DLG2: variants seen among roughly 807,000 people sequenced by gnomAD.
DLG2 encodes the protein discs large MAGUK scaffold protein 2.
A neutral mutation model predicts 132.5 loss-of-function variants in DLG2; 45 were observed. The observed-to-expected ratio is 0.34, with a 90% CI of 0.27 to 0.44. The LOEUF (loss-of-function observed/expected upper bound fraction) is 0.44, where lower values mean the gene tolerates loss of function less well. Ranked by LOEUF, DLG2 falls within the 20% of genes least tolerant of loss-of-function variation. DLG2 has a pLI of 1.00. For missense variants in DLG2, 1,045 were observed against 1,196.9 expected (o/e 0.87, Z 1.87); for synonymous variants, 424 against 419.6 (o/e 1.01, Z -0.13).
At chr11:83,845,508 C>T (rs897721124) in intron 16 of DLG2, among the ~76,000 whole-genome samples, 1 of 152,094 alleles carries the variant, frequency 6.6e-6, no homozygotes, top group Non-Finnish European at 1.5e-5. Context: ...TACAGATACA[C>T]AAAGATAGAG....
rs190913796 is a variant in DLG2 at position 83,775,885 on chromosome 11, G to A, written c.1825+10805C>T. ...AGGCGGGCGGATCACAAGATCAGGA[G>A]ATCGAGACCATCCTGGCTAATACGG... On this transcript the variant is annotated intron_variant, in intron 18 of 27. Transcript: ENST00000376104. Among the ~76,000 whole-genome samples, 4 of 152,256 alleles carry A rather than the reference G, an allele frequency of 2.6e-5. No individual in the cohort carries two copies. The East Asian group carries it at 7.7e-4, about 29-fold the overall frequency.
chr11:83,660,731 A>G (rs2153544594), intron 18 of DLG2, among the ~76,000 whole-genome samples: 1 of 152,344 alleles, frequency 6.6e-6, no homozygotes, highest in South Asian at 2.1e-4. Flanking sequence ...CAGAAGGAGA[A>G]AGACTTGAGG....
intron 19 of DLG2, among the ~76,000 whole-genome samples, chr11:83,629,473 T>C (rs370980388): frequency 3.4e-4 from 52 of 152,290 alleles, no homozygotes; most frequent in African/African-American, 1.1e-3. Flanking sequence ...GATTTGCTTT[T>C]TTTCCTTGCC....
intron 6 of DLG2, among the ~76,000 whole-genome samples, chr11:84,981,477 C>G (rs1004080103): frequency 6.6e-6 from 1 of 152,138 alleles, no homozygotes; most frequent in African/African-American, 2.4e-5. Flanking sequence ...GCACCAAACC[C>G]AGCTCAGAAG....
intron 5 of DLG2, among the ~76,000 whole-genome samples, chr11:85,150,308 C>T (rs1416658733): frequency 6.6e-6 from 1 of 152,064 alleles, no homozygotes; most frequent in Non-Finnish European, 1.5e-5. Context: ...GCGTGAGCCA[C>T]CGTGCCCGGC....
chr11:84,335,160 CAAAAAAAAAAA>C (rs58944265), intron 7 of DLG2, among the ~76,000 whole-genome samples: 2 of 62,666 alleles, frequency 3.2e-5, no homozygotes, highest in Non-Finnish European at 6.3e-5. Flanking sequence ...ATAAAGAAAG[CAAAAAAAAAAA>C]AAAAAAAAGG....
At chr11:83,786,056 C>T (rs1163734676) in intron 18 of DLG2, among the ~76,000 whole-genome samples, 1 of 152,164 alleles carries the variant, frequency 6.6e-6, no homozygotes, top group Non-Finnish European at 1.5e-5. Context: ...CCAGTTGTCT[C>T]ATTGAGCCTC....
chr11:85,036,729 TGAA>T (rs1566704697), intron 6 of DLG2, among the ~76,000 whole-genome samples: 1 of 152,240 alleles, frequency 6.6e-6, no homozygotes, highest in Non-Finnish European at 1.5e-5. Context: ...AAAAATTTGT[TGAA>T]GTAGCATTCT....
At chr11:84,430,048 G>A (rs1473861465) in intron 7 of DLG2, among the ~76,000 whole-genome samples, 1 of 152,120 alleles carries the variant, frequency 6.6e-6, no homozygotes, top group Non-Finnish European at 1.5e-5. Flanking sequence ...AGGGTCACAG[G>A]CTGTAGATTC....
rs112305065 is a variant in DLG2, at chr11:83,877,029, T to C, written c.1497-2541A>G. 3.2e-3 allele frequency among the ~76,000 whole-genome samples: 491 copies of C among 152,242 alleles called. 4 individuals are homozygous for C. Among genetic ancestry groups the C allele is most frequent in the African/African-American group, 0.011 (475 of 41,564 alleles). ...GATATCAATTACTTTTTTCTTATTT[T>C]ACAATTTTCTTCAGATGCGTTTCCC... On this transcript the variant is annotated intron_variant, in intron 15 of 27. Transcript: ENST00000376104.
chr11:84,184,945 C>A (rs1332443880), intron 8 of DLG2, among the ~76,000 whole-genome samples: 31 of 152,154 alleles, frequency 2.0e-4, no homozygotes, highest in Non-Finnish European at 3.8e-4. Flanking sequence ...TGTTTTGGTA[C>A]CAGTACCATG....
At chr11:84,611,531 C>T (rs912815015) in intron 6 of DLG2, among the ~76,000 whole-genome samples, 1 of 152,138 alleles carries the variant, frequency 6.6e-6, no homozygotes, top group Non-Finnish European at 1.5e-5. Flanking sequence ...GCCTGAGACT[C>T]TTGACTTTAC....
At chr11:85,023,775 G>C (rs542132849) in intron 6 of DLG2, among the ~76,000 whole-genome samples, 1 of 151,994 alleles carries the variant, frequency 6.6e-6, no homozygotes, top group South Asian at 2.1e-4. Flanking sequence ...AAAAATACTA[G>C]TAACTTATTG....
chr11:84,099,544 C>T (rs991882988), intron 9 of DLG2, among the ~76,000 whole-genome samples: 8 of 151,824 alleles, frequency 5.3e-5, no homozygotes, highest in African/African-American at 1.5e-4. Context: ...AAAACTTCCA[C>T]TTCAGAAGAC....
At chr11:84,720,161 T>C (rs2061646611) in intron 6 of DLG2, 1 of 679,052 alleles carries the variant, frequency 1.5e-6, no homozygotes, top group African/African-American at 1.9e-5. Context: ...CAAACCCAGC[T>C]GGCTCCCAGA....
At chr11:83,829,901 C>G (rs1244761456) in intron 17 of DLG2, among the ~76,000 whole-genome samples, 1 of 152,082 alleles carries the variant, frequency 6.6e-6, no homozygotes, top group Non-Finnish European at 1.5e-5. Context: ...CCCCACTTGC[C>G]CCACCATACG....
chr11:84,507,182 A>G (rs1014334389), intron 7 of DLG2, among the ~76,000 whole-genome samples: 1 of 152,236 alleles, frequency 6.6e-6, no homozygotes, highest in African/African-American at 2.4e-5. Context: ...GTACAGTGCT[A>G]TTACAGATAC....
chr11:84,310,683 C>T (rs533954665), intron 7 of DLG2, among the ~76,000 whole-genome samples: 1 of 152,302 alleles, frequency 6.6e-6, no homozygotes, highest in South Asian at 2.1e-4. Flanking sequence ...GCTGCTATTT[C>T]CCAGAGACAA....
At chr11:84,350,321 A>G (rs563930297) in intron 7 of DLG2, among the ~76,000 whole-genome samples, 87 of 152,220 alleles carry the variant, frequency 5.7e-4, no homozygotes, top group African/African-American at 2.0e-3. Flanking sequence ...GTTTGTGTTC[A>G]TTTGCATTTT....
Sources: allele counts gnomAD v4.1 joint callset (sites outside exome capture counted in the v4.1 genomes callset), GRCh38; gene constraint gnomAD v4.1.1; transcripts MANE v1.5; gene names NCBI Gene and HGNC (gene_info 2026-07-23, HGNC 2026-07-21).